Variants in PLPPR1 observed in about 807,000 individuals in gnomAD.
The protein encoded by PLPPR1 is phospholipid phosphatase-related protein type 1.
In PLPPR1, 10 loss-of-function variants were observed where a neutral mutation model predicts 33.1. The ratio of observed to expected loss-of-function variants is 0.30; its 90% CI spans 0.19 to 0.51. The LOEUF is 0.51. PLPPR1 is among the 20% of genes least tolerant of loss of function. PLPPR1 has a pLI of 0.97. For synonymous variants in PLPPR1, 151 were observed against 151.0 expected (o/e 1.00, Z 0.00); for missense variants, 304 against 408.1 (o/e 0.74, Z 2.20).
At chr9:101,173,239 C>T (rs1431472) in intron 1 of PLPPR1, among the ~76,000 whole-genome samples, 24,772 of 152,064 alleles carry the variant, frequency 0.16, 2,085 homozygotes, top group Non-Finnish European at 0.19. Flanking sequence ...TTTATATTTA[C>T]AGTAGCCTAC....
intron 1 of PLPPR1, among the ~76,000 whole-genome samples, chr9:101,108,020 G>A (rs888137287): frequency 3.4e-5 from 5 of 148,448 alleles, no homozygotes; most frequent in East Asian, 2.0e-4. Context: ...CGCACGGTGC[G>A]CGCACACACT....
chr9:101,120,879 T>C (rs1831171495), intron 1 of PLPPR1, among the ~76,000 whole-genome samples: 1 of 152,202 alleles, frequency 6.6e-6, no homozygotes, highest in South Asian at 2.1e-4. Context: ...TATGGTGGCT[T>C]AGAGGACAGA....
intron 1 of PLPPR1, among the ~76,000 whole-genome samples, chr9:101,036,609 T>C (rs2118407294): frequency 6.6e-6 from 1 of 151,212 alleles, no homozygotes; most frequent in East Asian, 2.0e-4. Flanking sequence ...GGTCTTGGCT[T>C]ATGGCACTGC....
At chr9:101,228,147 G>A (rs1293001965) in intron 2 of PLPPR1, among the ~76,000 whole-genome samples, 1 of 152,134 alleles carries the variant, frequency 6.6e-6, no homozygotes, top group African/African-American at 2.4e-5. Context: ...GAGATACTTT[G>A]TTATTGCTGT....
intron 1 of PLPPR1, among the ~76,000 whole-genome samples, chr9:101,141,821 T>C (rs550163697): frequency 1.3e-5 from 2 of 152,180 alleles, no homozygotes; most frequent in South Asian, 4.2e-4. Flanking sequence ...ATTCCCACAC[T>C]CCCTAGAATT....
intron 1 of PLPPR1, among the ~76,000 whole-genome samples, chr9:101,099,788 C>A (rs957416748): frequency 3.1e-4 from 47 of 152,234 alleles, no homozygotes; most frequent in African/African-American, 1.1e-3. Flanking sequence ...ACAACTCCCC[C>A]ATGGATACCA....
At chr9:101,175,757 A>T (rs969220665) in intron 1 of PLPPR1, among the ~76,000 whole-genome samples, 1 of 152,162 alleles carries the variant, frequency 6.6e-6, no homozygotes. Context: ...ACTCAAATTC[A>T]TGAGAACACA....
chr9:101,225,754 C>G (rs913050188), intron 2 of PLPPR1, among the ~76,000 whole-genome samples: 1 of 147,916 alleles, frequency 6.8e-6, no homozygotes, highest in African/African-American at 2.5e-5. Context: ...CCCCCACCCC[C>G]TATGTAACCA....
rs75153935 is a variant in PLPPR1, at chr9:101,030,372, G to A, written c.-46+1270G>A. Among the ~76,000 whole-genome samples, 1,169 of 150,826 alleles carry A rather than the reference G, an allele frequency of 7.8e-3. 11 individuals are homozygous for A. The highest frequency in any genetic ancestry group is 0.028 in the African/African-American group (1,132 of 40,998). ...ACTACAGCCTTCACTGAATTTCTAT[G>A]CCCCTTCTGCTTGTATGGTTGGCAG... is the stretch of plus-strand genomic sequence containing the variant. On this transcript the variant is annotated intron_variant, in intron 1 of 7. Coordinates refer to ENST00000374874, the MANE Select transcript of PLPPR1 (RefSeq NM_207299.2).
chr9:101,230,891 T>C (rs1228614383), intron 2 of PLPPR1, among the ~76,000 whole-genome samples: 2 of 151,788 alleles, frequency 1.3e-5, no homozygotes, highest in East Asian at 3.9e-4. Context: ...AATTTATTTA[T>C]TTTTTTTCCA....
chr9:101,214,852 G>T (rs1826756607), intron 2 of PLPPR1, among the ~76,000 whole-genome samples: 1 of 151,888 alleles, frequency 6.6e-6, no homozygotes, highest in Non-Finnish European at 1.5e-5. Flanking sequence ...GTGAAATCTT[G>T]TCTCTACTAA....
At chr9:101,181,765 CATAT>C (rs1826117996) in intron 1 of PLPPR1, among the ~76,000 whole-genome samples, 1 of 146,012 alleles carries the variant, frequency 6.8e-6, no homozygotes, top group African/African-American at 2.5e-5. Flanking sequence ...AACACACATA[CATAT>C]ATACACACAC....
chr9:101,083,408 T>G (rs1180430460), intron 1 of PLPPR1, among the ~76,000 whole-genome samples: 1 of 150,088 alleles, frequency 6.7e-6, no homozygotes, highest in African/African-American at 2.5e-5. Context: ...AAAAAAAAAG[T>G]TATGCAAAAT....
chr9:101,128,931 C>G (rs1831281225), intron 1 of PLPPR1, among the ~76,000 whole-genome samples: 2 of 152,248 alleles, frequency 1.3e-5, no homozygotes, highest in African/African-American at 4.8e-5. Context: ...CTGATCTATT[C>G]TTAGAAGCTA....
intron 1 of PLPPR1, among the ~76,000 whole-genome samples, chr9:101,072,326 G>T (rs1830491425): frequency 6.6e-6 from 1 of 152,052 alleles, no homozygotes; most frequent in Non-Finnish European, 1.5e-5. Flanking sequence ...CCTCCATCCA[G>T]CTCACAATTT....
At chr9:101,318,874 G>A (rs559393003) in intron 7 of PLPPR1, among the ~76,000 whole-genome samples, 6 of 152,164 alleles carry the variant, frequency 3.9e-5, no homozygotes, top group Non-Finnish European at 7.4e-5. Flanking sequence ...AGCTGGATGA[G>A]TAGGAGTTCT....
chr9:101,040,356 T>C (rs1830061667), intron 1 of PLPPR1, among the ~76,000 whole-genome samples: 1 of 152,168 alleles, frequency 6.6e-6, no homozygotes, highest in Non-Finnish European at 1.5e-5. Flanking sequence ...ACTTACTCAG[T>C]GCTGGAATCT....
intron 7 of PLPPR1, among the ~76,000 whole-genome samples, chr9:101,321,044 C>T (rs577343694): frequency 6.6e-6 from 1 of 152,176 alleles, no homozygotes; most frequent in Non-Finnish European, 1.5e-5. Context: ...TAAATACCCC[C>T]CTGTGAGCAA....
At chr9:101,282,908 T>A (rs1828329310) in intron 3 of PLPPR1, among the ~76,000 whole-genome samples, 2 of 152,210 alleles carry the variant, frequency 1.3e-5, no homozygotes, top group South Asian at 4.1e-4. Context: ...TGGGAAGATA[T>A]TCTATGTTCA....
Sources: gnomAD v4.1 joint callset for allele counts (sites outside exome capture counted in the v4.1 genomes callset) on GRCh38, gnomAD v4.1.1 for gene constraint, MANE v1.5 for transcripts, NCBI Gene and HGNC (gene_info 2026-07-23, HGNC 2026-07-21) for gene names.